FARSB: variants seen among roughly 807,000 people sequenced by gnomAD.
FARSB encodes the protein phenylalanyl-tRNA synthetase subunit beta.
Under a neutral mutation model 69.6 loss-of-function variants are expected in FARSB, and 40 were observed. The observed-to-expected ratio is 0.57, with a 90% CI of 0.45 to 0.75. FARSB has a LOEUF of 0.75. FARSB is among the 30% of genes least tolerant of loss of function. The pLI is 0.00. For synonymous variants in FARSB, 235 were observed against 247.2 expected (o/e 0.95, Z 0.46); for missense variants, 632 against 722.9 (o/e 0.87, Z 1.44).
intron 1 of FARSB, among the ~76,000 whole-genome samples, chr2:222,654,961 G>A (rs896179147): frequency 6.6e-6 from 1 of 152,222 alleles, no homozygotes; most frequent in Non-Finnish European, 1.5e-5. Flanking sequence ...CATTTTGGGA[G>A]GCCGCGGCAG....
intron 1 of FARSB, among the ~76,000 whole-genome samples, chr2:222,653,179 T>C (rs1219414995): frequency 6.6e-6 from 1 of 152,086 alleles, no homozygotes; most frequent in Non-Finnish European, 1.5e-5. Flanking sequence ...GAAAGTCCGT[T>C]GAAAAGGTAG....
intron 16 of FARSB, among the ~76,000 whole-genome samples, chr2:222,582,116 A>G (rs879611848): frequency 1.3e-5 from 2 of 152,242 alleles, no homozygotes; most frequent in Admixed American, 6.5e-5. Context: ...TAACATATGC[A>G]CAAGACTATT....
rs1215042604 is a variant in FARSB at position 222,570,672 on chromosome 2, A to AG, written c.*1198_*1199insC. 2 of 151,842 alleles carry AG rather than the reference A, an allele frequency of 1.3e-5. No homozygotes were observed. Among genetic ancestry groups the AG allele is most frequent in the African/African-American group, 4.8e-5 (2 of 41,318 alleles). 9.4% of individuals were successfully genotyped at this position (151,842 alleles called of 1,614,324 possible). A position where few individuals can be genotyped will look rare whatever the true frequency, so the allele number is the denominator to read the frequency against. On this transcript the variant is annotated 3_prime_UTR_variant, in exon 17 of 17. Transcript: ENST00000281828. ...CAGGTAGCTGGGACTGCAGGCCCAC[A>AG]CCACCATGCCTGGCTAATTTTTATA...
At chr2:222,602,190 GGGAA>G (rs1260024873) in intron 15 of FARSB, among the ~76,000 whole-genome samples, 1 of 152,092 alleles carries the variant, frequency 6.6e-6, no homozygotes, top group Non-Finnish European at 1.5e-5. Context: ...CCAAACTTAT[GGGAA>G]CAGAGAACAG....
At chr2:222,631,182 C>CTT (rs58544238) in intron 8 of FARSB, among the ~76,000 whole-genome samples, 1 of 144,192 alleles carries the variant, frequency 6.9e-6, no homozygotes, top group Non-Finnish European at 1.5e-5. Context: ...TCGCCAGTTC[C>CTT]TTTTTTTTTT....
chr2:222,580,997 A>G (rs996287104), intron 16 of FARSB, among the ~76,000 whole-genome samples: 1 of 152,172 alleles, frequency 6.6e-6, no homozygotes, highest in African/African-American at 2.4e-5. Context: ...GACCCTCAGC[A>G]AGAAGATCAC....
intron 14 of FARSB, among the ~76,000 whole-genome samples, chr2:222,616,215 A>T (rs760144395): frequency 1.3e-5 from 2 of 152,188 alleles, no homozygotes; most frequent in African/African-American, 2.4e-5. Context: ...TGCAAGTTGT[A>T]GATTAACAGA....
At chr2:222,612,839 T>C (rs1690894437) in intron 15 of FARSB, among the ~76,000 whole-genome samples, 1 of 152,160 alleles carries the variant, frequency 6.6e-6, no homozygotes, top group African/African-American at 2.4e-5. Flanking sequence ...ACTAAATATA[T>C]ACTCATTAAA....
At chr2:222,609,893 A>T (rs1321857692) in intron 15 of FARSB, among the ~76,000 whole-genome samples, 1 of 152,198 alleles carries the variant, frequency 6.6e-6, no homozygotes, top group East Asian at 1.9e-4. Flanking sequence ...TATGGATTCT[A>T]TTTTCATTTT....
At chr2:222,593,139 A>G (rs1690321582) in intron 16 of FARSB, among the ~76,000 whole-genome samples, 2 of 152,126 alleles carry the variant, frequency 1.3e-5, no homozygotes, top group Admixed American at 1.3e-4. Context: ...CAAAGTATTC[A>G]TTATGTTATA....
chr2:222,613,836 G>A lies in FARSB; in HGVS notation c.1437C>T (p.Asp479=), dbSNP rs1690923000. Reference sequence around the variant, plus strand: ...CTGTATTAGAATCTTTTATTACAATGTCAGAGATTTCAAACAGTTTCAGTG... The same window carrying A: ...CTGTATTAGAATCTTTTATTACAATATCAGAGATTTCAAACAGTTTCAGTG... The part of the protein sequence containing the change: ...PLPLKLFEIS[D]IVIKDSNTDV... Residue 479 remains aspartate (D), a synonymous_variant, in exon 15 of 17, where the codon GAC becomes GAT. Coordinates refer to ENST00000281828, the MANE Select transcript of FARSB (RefSeq NM_005687.5). 6.3e-7 allele frequency: 1 copy of A among 1,597,652 alleles called. No homozygotes were observed. The highest frequency in any genetic ancestry group is 1.7e-5 in the Admixed American group (1 of 60,004).
chr2:222,648,574 G>A (rs1691935160), intron 2 of FARSB, among the ~76,000 whole-genome samples, 166 bp downstream of exon 2: 1 of 152,162 alleles, frequency 6.6e-6, no homozygotes, highest in South Asian at 2.1e-4. Flanking sequence ...TTTAGTCAAG[G>A]CAACAGACAG....
chr2:222,584,074 T>C (rs1252212201), intron 16 of FARSB, among the ~76,000 whole-genome samples: 1 of 152,134 alleles, frequency 6.6e-6, no homozygotes, highest in Non-Finnish European at 1.5e-5. Context: ...GGTTAAATGG[T>C]GGTTAACATA....
At chr2:222,642,045 G>A (rs1277023268) in intron 3 of FARSB, among the ~76,000 whole-genome samples, 1 of 150,304 alleles carries the variant, frequency 6.7e-6, no homozygotes, top group African/African-American at 2.5e-5. Context: ...CTGCTGCCCA[G>A]GCTGGAGTGC....
chr2:222,579,247 A>C (rs916034215), intron 16 of FARSB, among the ~76,000 whole-genome samples: 2 of 152,228 alleles, frequency 1.3e-5, no homozygotes, highest in African/African-American at 4.8e-5. Flanking sequence ...CCTAAAGCAG[A>C]ATGTTTTTAA....
chr2:222,578,963 T>C (rs565548631), intron 16 of FARSB, among the ~76,000 whole-genome samples: 2 of 151,948 alleles, frequency 1.3e-5, no homozygotes, highest in South Asian at 2.1e-4. Flanking sequence ...GCCTGGGTGA[T>C]AGAGTGAGAC....
chr2:222,623,894 A>G (rs1200625939), intron 12 of FARSB, among the ~76,000 whole-genome samples, 164 bp from the exon 13 acceptor site: 1 of 152,090 alleles, frequency 6.6e-6, no homozygotes, highest in African/African-American at 2.4e-5. Context: ...CTATTTCCCT[A>G]TCAATATTAC....
intron 16 of FARSB, among the ~76,000 whole-genome samples, chr2:222,592,477 A>G (rs1421260148): frequency 6.6e-6 from 1 of 152,120 alleles, no homozygotes; most frequent in Non-Finnish European, 1.5e-5. Context: ...GCCAATGCAT[A>G]AAACTGCTGA....
Position 222,628,885 on chromosome 2 carries a change from G to A in FARSB, c.852C>T (p.Val284=), listed in dbSNP as rs764596731. 4.4e-6 allele frequency: 7 copies of A among 1,607,782 alleles called. No homozygotes were observed. Among genetic ancestry groups the A allele is most frequent in the South Asian group, 2.2e-5 (2 of 90,284 alleles). Residue 284 remains valine (V), a synonymous_variant, in exon 10 of 17, where the codon GTC becomes GTT. Transcript: ENST00000281828. ...TAGGAAAAACCACTTCAGCAGCTTC[G>A]ACCCTGAAAACAAAAGCCAGAAATA... ...FSEYCENQFT[V]EAAEVVFPNG...
Sources: allele counts gnomAD v4.1 joint callset (sites outside exome capture counted in the v4.1 genomes callset), GRCh38; gene constraint gnomAD v4.1.1; transcripts MANE v1.5; gene names NCBI Gene and HGNC (gene_info 2026-07-23, HGNC 2026-07-21).